Variants in DNAJC25 observed in about 807,000 individuals in gnomAD.
DNAJC25 encodes the protein dnaJ homolog subfamily C member 25.
In DNAJC25, 26 loss-of-function variants were observed where a neutral mutation model predicts 42.1. That is an observed-to-expected ratio of 0.62 (90% CI 0.45 to 0.86). The LOEUF (loss-of-function observed/expected upper bound fraction) is 0.86, where lower values mean the gene tolerates loss of function less well. Ranked by LOEUF, DNAJC25 falls within the 40% of genes least tolerant of loss-of-function variation. The pLI, the probability that DNAJC25 is intolerant of heterozygous loss-of-function variation, is 0.00. For synonymous variants in DNAJC25, 189 were observed against 179.9 expected (o/e 1.05, Z -0.40); for missense variants, 404 against 459.4 (o/e 0.88, Z 1.10).
At chr9:111,635,641 A>G (rs557821665) in intron 1 of DNAJC25, among the ~76,000 whole-genome samples, 7 of 152,358 alleles carry the variant, frequency 4.6e-5, no homozygotes, top group African/African-American at 1.7e-4. Context: ...TAGAAAAACT[A>G]TGATTGGTAA....
Position 111,653,019 on chromosome 9 carries a change from G to A in DNAJC25, c.961-81G>A, listed in dbSNP as rs867082939. The A allele has an allele frequency of 6.9e-5, 94 of 1,368,360 alleles. 3 individuals carry two copies. The Middle Eastern group carries it at 9.9e-3, about 145-fold the overall frequency. 84.8% of individuals were successfully genotyped at this position (1,368,360 alleles called of 1,614,324 possible). A position where few individuals can be genotyped will look rare whatever the true frequency, so the allele number is the denominator to read the frequency against. On this transcript the variant is annotated intron_variant, in intron 3 of 3. Transcript: ENST00000313525. ...AAACTTTTTACCTAACATTATGTTA[G>A]AAAAATGTAAATATGCCATAAAGCT...
intron 3 of DNAJC25, among the ~76,000 whole-genome samples, chr9:111,651,182 C>T (rs758305940): frequency 6.7e-6 from 1 of 149,462 alleles, no homozygotes; most frequent in Non-Finnish European, 1.5e-5. Context: ...GAGAATCACT[C>T]GAACCAGGGA....
chr9:111,632,959 T>C (rs1354664216), intron 1 of DNAJC25, among the ~76,000 whole-genome samples: 14 of 152,164 alleles, frequency 9.2e-5, no homozygotes. Flanking sequence ...ACCTAGTTCA[T>C]TAAATTCTCA....
At chr9:111,648,136 C>G (rs748692550) in intron 2 of DNAJC25, among the ~76,000 whole-genome samples, 23 of 152,196 alleles carry the variant, frequency 1.5e-4, no homozygotes, top group Non-Finnish European at 2.5e-4. Context: ...AATAAGTTTT[C>G]CCTGTTATTA....
chr9:111,631,348 G>T lies in DNAJC25; in HGVS notation c.-60G>T. The T allele has an allele frequency of 1.6e-6, 2 of 1,252,770 alleles. No individual in the cohort carries two copies. Among genetic ancestry groups the T allele is most frequent in the Non-Finnish European group, 1.0e-6 (1 of 1,001,998 alleles). 77.6% of individuals were successfully genotyped at this position (1,252,770 alleles called of 1,614,324 possible). On this transcript the variant is annotated 5_prime_UTR_variant, in exon 1 of 4. Transcript: ENST00000313525. ...TAGCTGGGGCCAGACGGGACTAGCC[G>T]GGCGCGCGGCTGAGTGCTGCAGAAT...
At chr9:111,633,958 G>C (rs917377238) in intron 1 of DNAJC25, among the ~76,000 whole-genome samples, 2 of 152,158 alleles carry the variant, frequency 1.3e-5, no homozygotes, top group African/African-American at 2.4e-5. Context: ...TGACTCTGAC[G>C]GGTTTGTGAT....
chr9:111,653,070 G>A, intron 3 of DNAJC25, 30 bp from the exon 4 acceptor site: 1 of 1,541,898 alleles, frequency 6.5e-7, no homozygotes, highest in Non-Finnish European at 8.7e-7. Flanking sequence ...TCTTTGGATT[G>A]TGAAGTCATC....
At chr9:111,641,817 G>GC (rs763999397) in intron 1 of DNAJC25, among the ~76,000 whole-genome samples, 1 of 85,522 alleles carries the variant, frequency 1.2e-5, no homozygotes, top group Non-Finnish European at 2.3e-5. Flanking sequence ...GGGGGGGTCA[G>GC]CCCCCCCGCC....
At chr9:111,648,035 C>T (rs556877094) in intron 2 of DNAJC25, among the ~76,000 whole-genome samples, 1 of 152,300 alleles carries the variant, frequency 6.6e-6, no homozygotes, top group South Asian at 2.1e-4. Flanking sequence ...CCTCGGCCTT[C>T]CAAAGTGCTG....
intron 1 of DNAJC25, among the ~76,000 whole-genome samples, chr9:111,643,381 A>G (rs1253380116): frequency 6.6e-6 from 1 of 152,236 alleles, no homozygotes; most frequent in Non-Finnish European, 1.5e-5. Context: ...TCATTCTAAG[A>G]AAAGAAAAAA....
rs542450873 is a variant in DNAJC25, at chr9:111,634,938, C to CT, written c.336+3197dup. Among the ~76,000 whole-genome samples the CT allele has an allele frequency of 2.0e-4, 31 of 152,302 alleles. No individual in the cohort carries two copies. The East Asian group carries it at 5.8e-3, about 28-fold the overall frequency. ...GGCCTCATGCTTTCACCAAGTCATG[C>CT]TTAGTTCAGATTCCCAAATAAATTA... is the stretch of plus-strand genomic sequence containing the variant. On this transcript the variant is annotated intron_variant, in intron 1 of 3. Transcript: ENST00000313525.
chr9:111,641,813 G>A (rs1300120021), intron 1 of DNAJC25, among the ~76,000 whole-genome samples: 1 of 112,414 alleles, frequency 8.9e-6, no homozygotes, highest in East Asian at 3.4e-4. Flanking sequence ...GGTGGGGGGG[G>A]TCAGCCCCCC....
At chr9:111,653,043 C>CT in intron 3 of DNAJC25, 57 bp from the exon 4 acceptor site, 1 of 1,446,330 alleles carries the variant, frequency 6.9e-7, no homozygotes, top group Non-Finnish European at 9.2e-7. Context: ...TGCCATAAAG[C>CT]TAATGGCAAA....
chr9:111,642,691 G>A (rs1204833243), intron 1 of DNAJC25: 2 of 185,530 alleles, frequency 1.1e-5, no homozygotes, highest in Non-Finnish European at 1.2e-5. Context: ...TACAATTTAT[G>A]TACTGAGATC....
intron 3 of DNAJC25, among the ~76,000 whole-genome samples, chr9:111,652,115 G>A (rs1006081918): frequency 6.6e-6 from 1 of 152,118 alleles, no homozygotes; most frequent in Non-Finnish European, 1.5e-5. Context: ...TTTAATATTA[G>A]ACATTAGTTG....
intron 1 of DNAJC25, among the ~76,000 whole-genome samples, chr9:111,641,037 C>T (rs1434767145): frequency 5.2e-4 from 45 of 85,914 alleles, no homozygotes; most frequent in African/African-American, 1.6e-3. Flanking sequence ...CCGCCCCGTC[C>T]GGGAGGTGAG....
intron 1 of DNAJC25, among the ~76,000 whole-genome samples, chr9:111,638,361 T>C (rs887601914): frequency 3.3e-5 from 5 of 152,232 alleles, no homozygotes; most frequent in African/African-American, 1.2e-4. Context: ...ATAATTTGTC[T>C]TTCTGTGAAT....
rs532662120 is a variant in DNAJC25 at position 111,645,380 on chromosome 9, G to A, written c.337-1727G>A. The stretch of plus-strand genomic sequence containing the variant: ...AGTGATTCTCTTGCCTCAGCCTCCC[G>A]AGTAGCTGGGATTATAAGCACAAGC... On this transcript the variant is annotated intron_variant, in intron 1 of 3. Coordinates refer to ENST00000313525, the MANE Select transcript of DNAJC25 (RefSeq NM_001015882.3). Among the ~76,000 whole-genome samples, 315 of 151,722 alleles carry A rather than the reference G, an allele frequency of 2.1e-3. 1 individual carries two copies. The highest frequency in any genetic ancestry group is 4.8e-3 in the South Asian group (23 of 4,802).
intron 1 of DNAJC25, among the ~76,000 whole-genome samples, chr9:111,632,896 G>C (rs1024404515): frequency 6.6e-6 from 1 of 152,066 alleles, no homozygotes. Flanking sequence ...TGGTGGAGGG[G>C]CGGGCCCTGA....
Sources: allele counts gnomAD v4.1 joint callset (sites outside exome capture counted in the v4.1 genomes callset), GRCh38; gene constraint gnomAD v4.1.1; transcripts MANE v1.5; gene names NCBI Gene and HGNC (gene_info 2026-07-23, HGNC 2026-07-21).